NKAIN2: variants seen among roughly 807,000 people sequenced by gnomAD.
NKAIN2 encodes the protein sodium/potassium transporting ATPase interacting 2, also known as sodium/potassium-transporting ATPase subunit beta-1-interacting protein 2.
A neutral mutation model predicts 32.6 loss-of-function variants in NKAIN2; 14 were observed. That is an observed-to-expected ratio of 0.43 (90% CI 0.28 to 0.67). NKAIN2 has a LOEUF of 0.67. NKAIN2 is among the 30% of genes least tolerant of loss of function. The probability of loss-of-function intolerance (pLI) is 0.17; values close to 1 mark genes in which losing one functional copy is unlikely to be tolerated. For missense variants in NKAIN2, 198 were observed against 258.3 expected, an observed-to-expected ratio of 0.77 and a Z score of 1.60; for synonymous variants, 80 against 87.2, an observed-to-expected ratio of 0.92 and a Z score of 0.46.
chr6:123,962,420 T>C (rs953400358), intron 1 of NKAIN2, among the ~76,000 whole-genome samples: 4 of 152,284 alleles, frequency 2.6e-5, no homozygotes, highest in South Asian at 2.1e-4. Context: ...TGCAGAGCTA[T>C]TTAAGAATCA....
intron 3 of NKAIN2, among the ~76,000 whole-genome samples, chr6:124,417,013 C>T (rs866709587): frequency 2.0e-5 from 3 of 152,246 alleles, no homozygotes; most frequent in East Asian, 3.9e-4. Context: ...CACAAATAAA[C>T]GAGGTCCAGA....
intron 4 of NKAIN2, among the ~76,000 whole-genome samples, chr6:124,736,959 A>G (rs1039232767): frequency 3.3e-5 from 5 of 151,970 alleles, no homozygotes; most frequent in Admixed American, 6.6e-5. Context: ...ATAATAATTT[A>G]TATGAAGGAG....
At chr6:124,356,858 C>A (rs1185460451) in intron 3 of NKAIN2, among the ~76,000 whole-genome samples, 1 of 152,130 alleles carries the variant, frequency 6.6e-6, no homozygotes, top group East Asian at 1.9e-4. Flanking sequence ...TAAATAATCA[C>A]CTTAAAAATT....
intron 1 of NKAIN2, among the ~76,000 whole-genome samples, chr6:123,843,486 G>A (rs974655688): frequency 3.3e-5 from 5 of 152,214 alleles, no homozygotes; most frequent in Middle Eastern, 3.4e-3. Flanking sequence ...GGAGCTTGGG[G>A]TTTTTATGGG....
At position 124,824,749 on chromosome 6, in the gene NKAIN2, A is replaced by C. The variant is rs1781522686; in HGVS notation, c.*1520A>C. The C allele has an allele frequency of 6.6e-6, 1 of 152,188 alleles. No individual in the cohort carries two copies. Among genetic ancestry groups the C allele is most frequent in the Non-Finnish European group, 1.5e-5 (1 of 68,034 alleles). 9.4% of individuals were successfully genotyped at this position (152,188 alleles called of 1,614,324 possible). ...TGAAATTCAAAAGTTATAAATTGGCATGGAGCAAGTTTTTTCTTTGATTTC... is the reference window on the plus strand; with the variant it reads ...TGAAATTCAAAAGTTATAAATTGGCCTGGAGCAAGTTTTTTCTTTGATTTC... On this transcript the variant is annotated 3_prime_UTR_variant, in exon 7 of 7. Transcript: ENST00000368417.
At chr6:123,932,507 C>A (rs564158378) in intron 1 of NKAIN2, among the ~76,000 whole-genome samples, 10 of 150,296 alleles carry the variant, frequency 6.7e-5, no homozygotes, top group Non-Finnish European at 1.5e-4. Flanking sequence ...AGCTCCGCCT[C>A]CCGGGTTCAC....
At chr6:124,163,611 G>T (rs1009137405) in intron 1 of NKAIN2, among the ~76,000 whole-genome samples, 2 of 151,910 alleles carry the variant, frequency 1.3e-5, no homozygotes, top group East Asian at 1.9e-4. Context: ...TCTGATGTCC[G>T]CATTCTTACT....
At chr6:124,352,265 T>A (rs1429456443) in intron 2 of NKAIN2, among the ~76,000 whole-genome samples, 3 of 152,218 alleles carry the variant, frequency 2.0e-5, no homozygotes, top group Admixed American at 1.3e-4. Context: ...AAAACATAAA[T>A]GTTTCAACTT....
At chr6:124,739,841 C>A (rs1337085921) in intron 4 of NKAIN2, among the ~76,000 whole-genome samples, 1 of 151,842 alleles carries the variant, frequency 6.6e-6, no homozygotes, top group Non-Finnish European at 1.5e-5. Context: ...TATAGGGCAT[C>A]TAAAGAAACT....
intron 1 of NKAIN2, among the ~76,000 whole-genome samples, chr6:123,907,751 T>C (rs947707247): frequency 2.0e-5 from 3 of 152,152 alleles, no homozygotes; most frequent in Non-Finnish European, 4.4e-5. Flanking sequence ...TTGAGACATT[T>C]TAAAATCTAT....
At chr6:124,076,095 T>G (rs1783683789) in intron 1 of NKAIN2, among the ~76,000 whole-genome samples, 1 of 152,224 alleles carries the variant, frequency 6.6e-6, no homozygotes, top group African/African-American at 2.4e-5. Flanking sequence ...TCTCTGTAAG[T>G]CCCAGCATTG....
At chr6:124,728,778 T>C in intron 4 of NKAIN2, among the ~76,000 whole-genome samples, 1 of 151,732 alleles carries the variant, frequency 6.6e-6, no homozygotes. Context: ...AGCTGGTTTT[T>C]TGAAAGGATT....
intron 4 of NKAIN2, among the ~76,000 whole-genome samples, chr6:124,703,649 C>T (rs745552490): frequency 1.1e-4 from 16 of 151,962 alleles, no homozygotes; most frequent in Non-Finnish European, 1.8e-4. Context: ...ATCAGTCCCA[C>T]GAGCACAAGC....
intron 2 of NKAIN2, among the ~76,000 whole-genome samples, chr6:124,303,176 G>A (rs1419138547): frequency 6.6e-6 from 1 of 152,164 alleles, no homozygotes; most frequent in Non-Finnish European, 1.5e-5. Flanking sequence ...ACAACCATTG[G>A]TAGTTTTTAA....
chr6:124,163,789 G>A (rs1788394036), intron 1 of NKAIN2, among the ~76,000 whole-genome samples: 1 of 152,018 alleles, frequency 6.6e-6, no homozygotes, highest in African/African-American at 2.4e-5. Context: ...ATTAAAGACA[G>A]CTGTGATCAT....
chr6:124,633,567 T>G (rs1050951938), intron 3 of NKAIN2, among the ~76,000 whole-genome samples: 3 of 152,218 alleles, frequency 2.0e-5, no homozygotes, highest in African/African-American at 4.8e-5. Context: ...ATTACCATCT[T>G]GTGGTCATGT....
chr6:124,747,527 A>C (rs1010473127), intron 4 of NKAIN2, among the ~76,000 whole-genome samples: 1 of 151,890 alleles, frequency 6.6e-6, no homozygotes, highest in Middle Eastern at 3.2e-3. Flanking sequence ...GAAGGAGAGA[A>C]GTTATGCTGA....
chr6:124,553,394 G>A (rs566482049), intron 3 of NKAIN2, among the ~76,000 whole-genome samples: 8 of 152,124 alleles, frequency 5.3e-5, no homozygotes, highest in South Asian at 2.1e-4. Context: ...TGCAACCTCC[G>A]CCTCCCAGGT....
intron 1 of NKAIN2, among the ~76,000 whole-genome samples, chr6:123,983,312 A>G (rs986648445): frequency 9.9e-5 from 15 of 152,144 alleles, no homozygotes; most frequent in Admixed American, 4.6e-4. Context: ...GTGTATTCCT[A>G]TCACTAGGAG....
Sources: allele counts gnomAD v4.1 joint callset (sites outside exome capture counted in the v4.1 genomes callset), GRCh38; gene constraint gnomAD v4.1.1; transcripts MANE v1.5; gene names NCBI Gene and HGNC (gene_info 2026-07-23, HGNC 2026-07-21).